LCLAT1: variants seen among roughly 807,000 people sequenced by gnomAD.
LCLAT1 encodes lysocardiolipin acyltransferase 1.
LCLAT1 carries 11 observed loss-of-function variants against 30.7 expected under a neutral mutation model. That is an observed-to-expected ratio of 0.36 (90% CI 0.23 to 0.59). LCLAT1 has a LOEUF of 0.59. Among genes scored for constraint, LCLAT1 ranks in the 20% least tolerant of loss-of-function variants. The pLI, the probability that LCLAT1 is intolerant of heterozygous loss-of-function variation, is 0.77. For synonymous variants in LCLAT1, 155 were observed against 151.3 expected (o/e 1.02, Z -0.18); for missense variants, 402 against 458.6 (o/e 0.88, Z 1.13).
chr2:30,554,073 C>T (rs1664808407), intron 3 of LCLAT1, among the ~76,000 whole-genome samples: 1 of 152,008 alleles, frequency 6.6e-6, no homozygotes, highest in South Asian at 2.1e-4. Flanking sequence ...AACATTTAAG[C>T]TAAAAGAAGT....
chr2:30,558,291 A>C, intron 3 of LCLAT1, among the ~76,000 whole-genome samples: 1 of 152,154 alleles, frequency 6.6e-6, no homozygotes, highest in Middle Eastern at 3.2e-3. Context: ...CTGAACGACT[A>C]ATTTGAATAT....
intron 1 of LCLAT1, among the ~76,000 whole-genome samples, chr2:30,462,116 G>T (rs916395917): frequency 5.3e-5 from 8 of 152,084 alleles, no homozygotes; most frequent in Non-Finnish European, 4.4e-5. Context: ...AGAACTTTCA[G>T]TTACTCTCCA....
chr2:30,506,341 T>C (rs1684658800), intron 1 of LCLAT1, among the ~76,000 whole-genome samples: 1 of 152,080 alleles, frequency 6.6e-6, no homozygotes, highest in Non-Finnish European at 1.5e-5. Flanking sequence ...CTTTGGAATA[T>C]TTTTAACATA....
At chr2:30,459,472 C>T in intron 1 of LCLAT1, 1 of 698,596 alleles carries the variant, frequency 1.4e-6, no homozygotes, top group Non-Finnish European at 2.6e-6. Context: ...TCTGTTTACT[C>T]CATGAACCAT....
At chr2:30,586,690 A>G (rs934029657) in intron 5 of LCLAT1, among the ~76,000 whole-genome samples, 37 of 152,086 alleles carry the variant, frequency 2.4e-4, no homozygotes, top group Non-Finnish European at 5.3e-4. Flanking sequence ...CAACCATTCC[A>G]TTCTCTGCAG....
At chr2:30,592,971 T>C (rs1474875060) in intron 5 of LCLAT1, among the ~76,000 whole-genome samples, 1 of 152,222 alleles carries the variant, frequency 6.6e-6, no homozygotes, top group Non-Finnish European at 1.5e-5. Flanking sequence ...ATATATGCAA[T>C]ACATTATTAA....
chr2:30,590,764 G>C (rs1285037500), intron 5 of LCLAT1, among the ~76,000 whole-genome samples: 1 of 151,900 alleles, frequency 6.6e-6, no homozygotes, highest in South Asian at 2.1e-4. Flanking sequence ...TCTGATACTT[G>C]AGCAAGGAAA....
intron 5 of LCLAT1, among the ~76,000 whole-genome samples, chr2:30,587,447 T>C (rs1427763621): frequency 6.6e-6 from 1 of 152,212 alleles, no homozygotes; most frequent in African/African-American, 2.4e-5. Flanking sequence ...AGAAAAGCAC[T>C]CTAGGGAAAC....
At chr2:30,512,553 T>C (rs1216657160) in intron 1 of LCLAT1, among the ~76,000 whole-genome samples, 1 of 152,210 alleles carries the variant, frequency 6.6e-6, no homozygotes, top group East Asian at 1.9e-4. Context: ...TGTGGCATAA[T>C]CTTGAGTTTA....
chr2:30,600,332 G>GAGAT (rs1478915297), intron 5 of LCLAT1, among the ~76,000 whole-genome samples: 3 of 152,114 alleles, frequency 2.0e-5, no homozygotes, highest in Admixed American at 1.3e-4. Context: ...TAAGAACAAA[G>GAGAT]AGATAATGTA....
intron 1 of LCLAT1, among the ~76,000 whole-genome samples, chr2:30,492,733 G>A (rs1207060275): frequency 6.6e-6 from 1 of 152,000 alleles, no homozygotes; most frequent in Non-Finnish European, 1.5e-5. Flanking sequence ...TGCTTTCTTT[G>A]TTACTAGTAA....
In LCLAT1 at chr2:30,640,621, A is replaced by C; in HGVS notation, c.*2A>C. The C allele has an allele frequency of 6.3e-7, 1 of 1,589,506 alleles. No homozygotes were observed. Among genetic ancestry groups the C allele is most frequent in the Non-Finnish European group, 8.5e-7 (1 of 1,169,846 alleles). ...TTAAATTCAAAGAAAAATGAGTAAG[A>C]TTATAAGGTTTGCCATGTGAAAACC... On this transcript the variant is annotated 3_prime_UTR_variant, in exon 6 of 6. Transcript: ENST00000379509.
chr2:30,511,575 A>G (rs971234105), intron 1 of LCLAT1, among the ~76,000 whole-genome samples: 3 of 152,246 alleles, frequency 2.0e-5, no homozygotes, highest in Admixed American at 6.5e-5. Context: ...AGAATATTCT[A>G]TAGGACAACT....
chr2:30,585,308 T>C (rs1666385677), intron 5 of LCLAT1, among the ~76,000 whole-genome samples: 1 of 152,174 alleles, frequency 6.6e-6, no homozygotes, highest in Non-Finnish European at 1.5e-5. Context: ...TTTTGAGCCT[T>C]TTGTCATCTA....
intron 1 of LCLAT1, among the ~76,000 whole-genome samples, chr2:30,495,367 C>T (rs925958506): frequency 1.3e-5 from 2 of 151,932 alleles, no homozygotes; most frequent in Admixed American, 6.6e-5. Context: ...ATCCAAAGCC[C>T]CCCTTTCATA....
chr2:30,620,169 G>A lies in LCLAT1; in HGVS notation c.629-19948G>A, dbSNP rs534668830. Among the ~76,000 whole-genome samples, 4 of 152,222 alleles carry A rather than the reference G, an allele frequency of 2.6e-5. 1 individual carries two copies. The highest frequency in any genetic ancestry group is 9.6e-5 in the African/African-American group (4 of 41,550). ...TATCTGATTCCAGAACCCAGCTCTTGAATACAACTTCCCATGGTCCTCTCT... is the reference window on the plus strand; with the variant it reads ...TATCTGATTCCAGAACCCAGCTCTTAAATACAACTTCCCATGGTCCTCTCT... On this transcript the variant is annotated intron_variant, in intron 5 of 5. Coordinates refer to ENST00000379509, the MANE Select transcript of LCLAT1 (RefSeq NM_001002257.3).
intron 1 of LCLAT1, among the ~76,000 whole-genome samples, chr2:30,462,708 C>T (rs762357126): frequency 2.6e-5 from 4 of 152,092 alleles, no homozygotes; most frequent in South Asian, 4.1e-4. Flanking sequence ...AAATCTATTT[C>T]GGGGCTAGCC....
intron 3 of LCLAT1, among the ~76,000 whole-genome samples, chr2:30,545,433 G>A (rs188471782): frequency 6.6e-6 from 1 of 151,954 alleles, no homozygotes. Context: ...ACTGACTAAA[G>A]GAAAACACTG....
At chr2:30,548,025 T>G (rs2148419295) in intron 3 of LCLAT1, among the ~76,000 whole-genome samples, 1 of 152,286 alleles carries the variant, frequency 6.6e-6, no homozygotes, top group East Asian at 1.9e-4. Flanking sequence ...AAGACACACA[T>G]ACATCTCTGC....
Sources: allele counts gnomAD v4.1 joint callset (sites outside exome capture counted in the v4.1 genomes callset), GRCh38; gene constraint gnomAD v4.1.1; transcripts MANE v1.5; gene names NCBI Gene and HGNC (gene_info 2026-07-23, HGNC 2026-07-21).